Variants in NCAM2 observed in about 807,000 individuals in gnomAD.
NCAM2 encodes N-CAM-2.
Under a neutral mutation model 98.1 loss-of-function variants are expected in NCAM2, and 30 were observed. The observed-to-expected ratio is 0.31, with a 90% CI of 0.23 to 0.41. The LOEUF (loss-of-function observed/expected upper bound fraction) is 0.41, where lower values mean the gene tolerates loss of function less well. Ranked by LOEUF, NCAM2 falls within the 10% of genes least tolerant of loss-of-function variation. NCAM2 has a pLI of 1.00. For missense variants in NCAM2, 867 were observed against 1,005.8 expected, an observed-to-expected ratio of 0.86 and a Z score of 1.87; for synonymous variants, 368 against 342.4, an observed-to-expected ratio of 1.07 and a Z score of -0.83.
chr21:21,096,713 A>G (rs1683138038), intron 1 of NCAM2, among the ~76,000 whole-genome samples: 1 of 151,526 alleles, frequency 6.6e-6, no homozygotes, highest in Non-Finnish European at 1.5e-5. Flanking sequence ...CTCTTTTAAT[A>G]TCATGGAATA....
intron 1 of NCAM2, among the ~76,000 whole-genome samples, chr21:21,016,619 T>C (rs780441686): frequency 5.3e-5 from 8 of 152,140 alleles, no homozygotes; most frequent in Non-Finnish European, 1.2e-4. Flanking sequence ...TTGTTAAGTG[T>C]AAGAATGATA....
At chr21:21,306,368 T>C (rs926415213) in intron 5 of NCAM2, among the ~76,000 whole-genome samples, 1 of 152,156 alleles carries the variant, frequency 6.6e-6, no homozygotes, top group Non-Finnish European at 1.5e-5. Context: ...TCTTATTATA[T>C]AGATAAAAGT....
intron 2 of NCAM2, among the ~76,000 whole-genome samples, chr21:21,282,034 G>T (rs1288388653): frequency 6.6e-6 from 1 of 151,728 alleles, no homozygotes; most frequent in Non-Finnish European, 1.5e-5. Flanking sequence ...GTTAATACAA[G>T]TATTTGTATA....
chr21:21,106,314 C>G (rs11088852), intron 1 of NCAM2, among the ~76,000 whole-genome samples: 1 of 103,486 alleles, frequency 9.7e-6, no homozygotes, highest in Non-Finnish European at 1.8e-5. Flanking sequence ...GTCTCAAAAG[C>G]AAAAAAAAAA....
At chr21:21,531,970 A>G (rs1043412781) in intron 16 of NCAM2, among the ~76,000 whole-genome samples, 2 of 150,424 alleles carry the variant, frequency 1.3e-5, no homozygotes, top group African/African-American at 4.9e-5. Context: ...ACCAGCCTGG[A>G]CGACAGAGCA....
At chr21:21,107,209 T>C (rs2066367105) in intron 1 of NCAM2, among the ~76,000 whole-genome samples, 1 of 152,146 alleles carries the variant, frequency 6.6e-6, no homozygotes, top group Non-Finnish European at 1.5e-5. Flanking sequence ...TATTTTATCA[T>C]TATCACAACA....
intron 10 of NCAM2, among the ~76,000 whole-genome samples, chr21:21,415,715 G>A (rs756723674): frequency 1.3e-5 from 2 of 152,132 alleles, no homozygotes; most frequent in Non-Finnish European, 1.5e-5. Context: ...ATGTTATAAA[G>A]ATGGCTTCTT....
At chr21:21,237,579 A>G (rs866027403) in intron 1 of NCAM2, among the ~76,000 whole-genome samples, 14 of 152,120 alleles carry the variant, frequency 9.2e-5, no homozygotes, top group African/African-American at 3.4e-4. Flanking sequence ...TATATCCCAG[A>G]TTAAGAATTT....
intron 1 of NCAM2, among the ~76,000 whole-genome samples, chr21:21,116,639 G>T (rs1325218085): frequency 6.6e-6 from 1 of 152,102 alleles, no homozygotes; most frequent in African/African-American, 2.4e-5. Context: ...TGGATCACGA[G>T]GTCAGGAGAT....
At chr21:21,485,306 C>T (rs1986254833) in intron 15 of NCAM2, among the ~76,000 whole-genome samples, 1 of 152,122 alleles carries the variant, frequency 6.6e-6, no homozygotes, top group African/African-American at 2.4e-5. Context: ...ACACCCAATT[C>T]ACTGGATTTA....
In NCAM2 at chr21:21,479,583, C is replaced by CAAAAAAAAA. The variant is rs1156588500; in HGVS notation, c.2077+2129_2077+2137dup. On this transcript the variant is annotated intron_variant, in intron 15 of 17. Transcript: ENST00000400546. ...TGGGAGACAGAGCGAGACTGCGTCT[C>CAAAAAAAAA]AAAAAAAAAAAAAAAAAAAAAAAAA... 3.8e-3 allele frequency among the ~76,000 whole-genome samples: 117 copies of CAAAAAAAAA among 30,962 alleles called. 8 individuals are homozygous for CAAAAAAAAA. The highest frequency in any genetic ancestry group is 6.0e-3 in the Non-Finnish European group (89 of 14,878). 20.3% of individuals were successfully genotyped at this position (30,962 alleles called of 152,430 possible).
chr21:21,301,132 T>G (rs1335886737), intron 5 of NCAM2, among the ~76,000 whole-genome samples: 1 of 152,086 alleles, frequency 6.6e-6, no homozygotes, highest in Non-Finnish European at 1.5e-5. Flanking sequence ...GCTCTAGATA[T>G]TAGATCTTTG....
At chr21:21,528,045 C>A (rs2146407691) in intron 16 of NCAM2, among the ~76,000 whole-genome samples, 1 of 152,230 alleles carries the variant, frequency 6.6e-6, no homozygotes, top group East Asian at 1.9e-4. Context: ...CACGAAGAGA[C>A]ATGGAGGAAA....
chr21:21,082,542 C>T (rs779447791), intron 1 of NCAM2, among the ~76,000 whole-genome samples: 2 of 152,132 alleles, frequency 1.3e-5, no homozygotes, highest in Non-Finnish European at 2.9e-5. Context: ...GTAAAAGTTA[C>T]ACTGATTATT....
intron 1 of NCAM2, among the ~76,000 whole-genome samples, chr21:21,192,165 G>A (rs2068843504): frequency 6.6e-6 from 1 of 152,128 alleles, no homozygotes; most frequent in Admixed American, 6.6e-5. Flanking sequence ...AGAGGTTGTG[G>A]TGAGCCAAGA....
chr21:21,461,542 C>G (rs543473541), intron 12 of NCAM2, among the ~76,000 whole-genome samples: 1 of 151,926 alleles, frequency 6.6e-6, no homozygotes, highest in Admixed American at 6.6e-5. Flanking sequence ...AAGTCCTAGA[C>G]AAATGACACA....
chr21:21,316,741 A>C (rs930792646), intron 5 of NCAM2, among the ~76,000 whole-genome samples: 22 of 151,590 alleles, frequency 1.5e-4, no homozygotes, highest in Non-Finnish European at 2.9e-4. Flanking sequence ...ACAGGGTTTC[A>C]CCTTCTTGGC....
At chr21:21,133,621 G>A (rs1456705071) in intron 1 of NCAM2, among the ~76,000 whole-genome samples, 1 of 152,070 alleles carries the variant, frequency 6.6e-6, no homozygotes, top group Non-Finnish European at 1.5e-5. Flanking sequence ...GCCCACAAAA[G>A]GCACTCACCC....
At chr21:21,214,746 T>TATATATATATATATATATAC (rs11268201) in intron 1 of NCAM2, among the ~76,000 whole-genome samples, 2,815 of 99,922 alleles carry the variant, frequency 0.028, 88 homozygotes, top group South Asian at 0.064. Context: ...TATATATATA[T>TATATATATATATATATATAC]ACACTATATA....
Sources: allele counts gnomAD v4.1 joint callset (sites outside exome capture counted in the v4.1 genomes callset), GRCh38; gene constraint gnomAD v4.1.1; transcripts MANE v1.5; gene names NCBI Gene and HGNC (gene_info 2026-07-23, HGNC 2026-07-21).